The following FMN1 variants were observed in gnomAD, a reference collection of about 807,000 sequenced individuals.
FMN1 encodes the protein formin 1, also known as formin-1.
In FMN1, 110 loss-of-function variants were observed where a neutral mutation model predicts 132.4. The observed-to-expected ratio is 0.83, with a 90% CI of 0.71 to 0.97. FMN1 has a LOEUF of 0.97. Ranked by LOEUF, FMN1 falls within the 50% of genes least tolerant of loss-of-function variation. The pLI is 0.00. For synonymous variants in FMN1, 722 were observed against 651.7 expected, an observed-to-expected ratio of 1.11 and a Z score of -1.64; for missense variants, 1,792 against 1,705.3, an observed-to-expected ratio of 1.05 and a Z score of -0.90.
chr15:33,013,745 CAT>C (rs1596470589), intron 6 of FMN1, among the ~76,000 whole-genome samples: 1 of 152,172 alleles, frequency 6.6e-6, no homozygotes, highest in African/African-American at 2.4e-5. Context: ...AGTCCTAACC[CAT>C]GTCATGATAA....
At chr15:32,963,512 GAAA>G (rs201729074) in intron 9 of FMN1, among the ~76,000 whole-genome samples, 7 of 141,698 alleles carry the variant, frequency 4.9e-5, no homozygotes, top group African/African-American at 1.8e-4. Flanking sequence ...ATAAGAAGAA[GAAA>G]AAAAAAAGAA....
At chr15:32,904,027 T>C (rs2060360871) in intron 12 of FMN1, among the ~76,000 whole-genome samples, 1 of 152,182 alleles carries the variant, frequency 6.6e-6, no homozygotes, top group African/African-American at 2.4e-5. Flanking sequence ...AGTCTGTCCT[T>C]TAGGAATGTA....
chr15:32,969,353 T>A lies in FMN1; in HGVS notation c.2348A>T (p.Glu783Val), dbSNP rs746063488. The A allele has an allele frequency of 2.0e-5, 32 of 1,613,884 alleles. No homozygotes were observed. The highest frequency in any genetic ancestry group is 2.7e-5 in the Non-Finnish European group (32 of 1,179,896). ...GGTGGAAATGCACACATCTTTCCTC[T>A]CTTCACAACCCCCTCGCCATCTGTG... ...LEHRWRGGCE[E>V]RKDVCISTDD... Residue 783 changes from glutamate to valine, a missense_variant, in exon 8 of 21, where the codon GAG becomes GTG. Physicochemically the swap from Glu to Val is moderately radical, Grantham distance 121. This residue lies in a region of FMN1 where 1,150 missense variants were observed against 1,043.1 expected (regional missense o/e 1.10). Coordinates refer to ENST00000616417, the MANE Select transcript of FMN1 (RefSeq NM_001277313.2).
At chr15:33,125,255 A>G (rs1463890106) in intron 4 of FMN1, among the ~76,000 whole-genome samples, 1 of 152,182 alleles carries the variant, frequency 6.6e-6, no homozygotes, top group East Asian at 1.9e-4. Context: ...AACCTCTCTC[A>G]AAGACTCTTG....
chr15:32,792,925 A>G (rs1359541762), intron 19 of FMN1, among the ~76,000 whole-genome samples: 2 of 152,212 alleles, frequency 1.3e-5, no homozygotes, highest in Admixed American at 6.5e-5. Context: ...ATTGTTATAC[A>G]TGAGGAAAAT....
chr15:32,785,932 A>G (rs2056862935), intron 19 of FMN1, among the ~76,000 whole-genome samples: 1 of 152,230 alleles, frequency 6.6e-6, no homozygotes, highest in Admixed American at 6.5e-5. Context: ...CTGACCAGCT[A>G]TAATATGAAT....
At chr15:32,919,709 T>A (rs573637343) in intron 10 of FMN1, among the ~76,000 whole-genome samples, 1 of 152,342 alleles carries the variant, frequency 6.6e-6, no homozygotes, top group East Asian at 1.9e-4. Context: ...AAAAGCCTTT[T>A]GAGTAGACAC....
Position 32,969,133 on chromosome 15 carries a change from T to C in FMN1, c.2568A>G (p.Pro856=), listed in dbSNP as rs1333995621. Residue 856 remains proline (P), a synonymous_variant, in exon 8 of 21, where the codon CCA becomes CCG. Transcript: ENST00000616417. ...GCTGATTTGATGCCATGCCCTCCATTGGCTGGAGTGCTGCATGGATGTCTT... is the reference window on the plus strand; with the variant it reads ...GCTGATTTGATGCCATGCCCTCCATCGGCTGGAGTGCTGCATGGATGTCTT... The part of the protein sequence containing the change: ...DHKDIHAALQ[P]MEGMASNQQK... The C allele has an allele frequency of 5.0e-6, 8 of 1,613,568 alleles. No individual in the cohort carries two copies. The highest frequency in any genetic ancestry group is 1.3e-5 in the African/African-American group (1 of 74,886).
chr15:33,112,728 C>G (rs551961564), intron 4 of FMN1, among the ~76,000 whole-genome samples: 1 of 152,296 alleles, frequency 6.6e-6, no homozygotes, highest in African/African-American at 2.4e-5. Context: ...GCTGCCCAAT[C>G]AACAGAATTT....
chr15:32,787,292 A>G (rs141410936), intron 19 of FMN1, among the ~76,000 whole-genome samples: 32 of 152,352 alleles, frequency 2.1e-4, no homozygotes, highest in African/African-American at 3.8e-4. Context: ...AAAGAGCCAT[A>G]AACAGTAAGA....
intron 9 of FMN1, among the ~76,000 whole-genome samples, chr15:32,954,133 T>C (rs1274397071): frequency 6.6e-6 from 1 of 152,224 alleles, no homozygotes; most frequent in Non-Finnish European, 1.5e-5. Flanking sequence ...TAATTTCCAC[T>C]GCAGTTTTCT....
chr15:32,983,216 G>C (rs1381380269), intron 7 of FMN1, among the ~76,000 whole-genome samples: 1 of 152,134 alleles, frequency 6.6e-6, no homozygotes, highest in Non-Finnish European at 1.5e-5. Context: ...CCAACAATAT[G>C]GATGAGTCTC....
intron 3 of FMN1, among the ~76,000 whole-genome samples, chr15:33,175,367 C>A (rs904424152): frequency 4.6e-5 from 7 of 152,226 alleles, no homozygotes; most frequent in African/African-American, 9.6e-5. Context: ...CCATGCCCAA[C>A]CTGAAGGAAT....
intron 9 of FMN1, among the ~76,000 whole-genome samples, chr15:32,948,187 T>C (rs1425850912): frequency 6.6e-6 from 1 of 152,032 alleles, no homozygotes. Context: ...CTTTCAATTA[T>C]ATAGTTCCCC....
At chr15:33,055,826 A>G (rs1003435903) in intron 6 of FMN1, among the ~76,000 whole-genome samples, 2 of 152,208 alleles carry the variant, frequency 1.3e-5, no homozygotes, top group Non-Finnish European at 2.9e-5. Flanking sequence ...AAGAGAGAGA[A>G]AAAACACTTG....
chr15:33,104,084 A>G lies in FMN1; in HGVS notation c.1868-15110T>C, dbSNP rs182407839. 2.8e-4 allele frequency among the ~76,000 whole-genome samples: 42 copies of G among 152,286 alleles called. 1 individual carries two copies. Among genetic ancestry groups the G allele is most frequent in the African/African-American group, 9.1e-4 (38 of 41,562 alleles). ...CTAAGAATAAAATTGAGTTCATCAT[A>G]TATTTGTCAGCTGAAAAAAACTTTT... On this transcript the variant is annotated intron_variant, in intron 4 of 20. Transcript: ENST00000616417.
intron 7 of FMN1, among the ~76,000 whole-genome samples, chr15:32,982,433 A>G (rs1487087583): frequency 6.6e-6 from 1 of 152,214 alleles, no homozygotes; most frequent in Admixed American, 6.5e-5. Flanking sequence ...CAAGTGAAAC[A>G]AAAACATAGG....
intron 7 of FMN1, among the ~76,000 whole-genome samples, chr15:32,994,452 T>C (rs2140875684): frequency 6.6e-6 from 1 of 152,312 alleles, no homozygotes; most frequent in Non-Finnish European, 1.5e-5. Flanking sequence ...AAACCTCTGC[T>C]TAAAGGTCAG....
At chr15:33,104,701 A>AT (rs1001198756) in intron 4 of FMN1, among the ~76,000 whole-genome samples, 2 of 152,094 alleles carry the variant, frequency 1.3e-5, no homozygotes, top group African/African-American at 4.8e-5. Context: ...TAGTTTTGTG[A>AT]TTTTCCATGG....
Sources: gnomAD v4.1 joint callset for allele counts (sites outside exome capture counted in the v4.1 genomes callset) on GRCh38, gnomAD v4.1.1 for gene constraint, gnomAD v4.1.1 regional missense constraint, MANE v1.5 for transcripts, NCBI Gene and HGNC (gene_info 2026-07-23, HGNC 2026-07-21) for gene names.